Variants in DCBLD1 observed in about 807,000 individuals in gnomAD.
DCBLD1 encodes discoidin, CUB and LCCL domain-containing protein 1.
Under a neutral mutation model 71.5 loss-of-function variants are expected in DCBLD1, and 57 were observed. That is an observed-to-expected ratio of 0.80 (90% CI 0.64 to 0.99). DCBLD1 has a LOEUF of 0.99. Among genes scored for constraint, DCBLD1 ranks in the 50% least tolerant of loss-of-function variants. The probability of loss-of-function intolerance (pLI) is 0.00; values close to 1 mark genes in which losing one functional copy is unlikely to be tolerated. For synonymous variants in DCBLD1, 380 were observed against 363.8 expected, an observed-to-expected ratio of 1.04 and a Z score of -0.51; for missense variants, 891 against 923.5, an observed-to-expected ratio of 0.96 and a Z score of 0.46.
intron 14 of DCBLD1, among the ~76,000 whole-genome samples, chr6:117,566,163 T>C (rs2114602260): frequency 6.6e-6 from 1 of 152,286 alleles, no homozygotes; most frequent in Non-Finnish European, 1.5e-5. Flanking sequence ...ACCAGCAGTT[T>C]TACCCCAATT....
At chr6:117,521,190 C>T (rs1323823365) in intron 3 of DCBLD1, among the ~76,000 whole-genome samples, 1 of 152,152 alleles carries the variant, frequency 6.6e-6, no homozygotes, top group African/African-American at 2.4e-5. Context: ...TTATTTTCTT[C>T]CTGCCAGGGG....
At chr6:117,546,946 T>C (rs1178872316) in intron 14 of DCBLD1, among the ~76,000 whole-genome samples, 7 of 152,224 alleles carry the variant, frequency 4.6e-5, no homozygotes, top group Non-Finnish European at 5.9e-5. Context: ...GCTTCTCGAC[T>C]GCACATCCCA....
At chr6:117,545,887 C>T (rs1779250954) in intron 14 of DCBLD1, among the ~76,000 whole-genome samples, 1 of 152,114 alleles carries the variant, frequency 6.6e-6, no homozygotes, top group Admixed American at 6.5e-5. Flanking sequence ...GTTACCAAAG[C>T]TTTGATTAAG....
intron 4 of DCBLD1, among the ~76,000 whole-genome samples, chr6:117,523,148 A>G (rs918803549): frequency 1.3e-5 from 2 of 152,222 alleles, no homozygotes; most frequent in African/African-American, 4.8e-5. Flanking sequence ...TCTGGACATC[A>G]AATGGTCATT....
intron 4 of DCBLD1, among the ~76,000 whole-genome samples, chr6:117,523,656 C>G (rs1437275090): frequency 6.6e-6 from 1 of 151,964 alleles, no homozygotes; most frequent in African/African-American, 2.4e-5. Context: ...TTCTTAATTC[C>G]GCGAGTACTG....
At position 117,549,614 on chromosome 6, in the gene DCBLD1, A is replaced by G. The variant is rs1055466025; in HGVS notation, c.*1175A>G. ...GACCAAAAATTTTTTTCCCTGAAGA[A>G]TGTATTATAACCCTATTTGTGTGGT... On this transcript the variant is annotated 3_prime_UTR_variant, in exon 15 of 15. Transcript: ENST00000338728. The G allele has an allele frequency of 1.0e-6, 1 of 985,370 alleles. No homozygotes were observed. The highest frequency in any genetic ancestry group is 1.2e-6 in the Non-Finnish European group (1 of 829,926). 61.0% of individuals were successfully genotyped at this position (985,370 alleles called of 1,614,324 possible). A position where few individuals can be genotyped will look rare whatever the true frequency, so the allele number is the denominator to read the frequency against.
chr6:117,539,424 G>A, intron 9 of DCBLD1, 45 bp downstream of exon 9: 29 of 1,545,310 alleles, frequency 1.9e-5, no homozygotes, highest in Non-Finnish European at 2.2e-5. Flanking sequence ...AGGAGAACAG[G>A]CCTCTATATA....
intron 1 of DCBLD1, among the ~76,000 whole-genome samples, chr6:117,493,355 T>C (rs1042587082): frequency 1.3e-5 from 2 of 152,170 alleles, no homozygotes; most frequent in Non-Finnish European, 2.9e-5. Context: ...CACCTTCTTT[T>C]ACAAAGCATC....
chr6:117,518,910 G>A (rs1248902017), intron 2 of DCBLD1, among the ~76,000 whole-genome samples: 2 of 152,122 alleles, frequency 1.3e-5, no homozygotes, highest in African/African-American at 4.8e-5. Context: ...TATTCGTATT[G>A]ACTTGGAGCA....
intron 11 of DCBLD1, among the ~76,000 whole-genome samples, chr6:117,541,612 G>C (rs1779099634): frequency 6.6e-6 from 1 of 152,008 alleles, no homozygotes; most frequent in Non-Finnish European, 1.5e-5. Flanking sequence ...AACATTAAAA[G>C]TACATTTTTT....
chr6:117,511,016 A>G (rs1778002417), intron 2 of DCBLD1, among the ~76,000 whole-genome samples: 1 of 152,072 alleles, frequency 6.6e-6, no homozygotes, highest in Non-Finnish European at 1.5e-5. Context: ...GCCAACTAAC[A>G]TGCTTGTAAG....
chr6:117,495,017 C>T (rs1777424381), intron 1 of DCBLD1, among the ~76,000 whole-genome samples: 1 of 152,172 alleles, frequency 6.6e-6, no homozygotes, highest in African/African-American at 2.4e-5. Flanking sequence ...TGGAATTCTG[C>T]AAGCTTACTG....
chr6:117,563,216 T>C (rs752857609), intron 14 of DCBLD1: 21 of 1,590,082 alleles, frequency 1.3e-5, no homozygotes, highest in Middle Eastern at 1.7e-4. Flanking sequence ...AAATTCAGAA[T>C]AGTCTGATTA....
At chr6:117,489,158 G>A (rs181697295) in intron 1 of DCBLD1, among the ~76,000 whole-genome samples, 5 of 152,270 alleles carry the variant, frequency 3.3e-5, no homozygotes, top group African/African-American at 4.8e-5. Context: ...TAGCATAAGC[G>A]TCTGCTCAGC....
intron 1 of DCBLD1, among the ~76,000 whole-genome samples, chr6:117,496,453 G>A (rs748237643): frequency 6.6e-6 from 1 of 152,166 alleles, no homozygotes; most frequent in Non-Finnish European, 1.5e-5. Flanking sequence ...AGAGAGTAAG[G>A]CTGAGAATGG....
intron 5 of DCBLD1, among the ~76,000 whole-genome samples, chr6:117,530,443 G>C (rs1337623865): frequency 6.6e-6 from 1 of 152,206 alleles, no homozygotes; most frequent in African/African-American, 2.4e-5. Context: ...TGCCTTTGCT[G>C]ATCTGACAAG....
intron 6 of DCBLD1, 150 bp downstream of exon 6, chr6:117,532,543 T>C (rs965697145): frequency 3.0e-6 from 3 of 1,013,434 alleles, no homozygotes; most frequent in African/African-American, 1.6e-5. Context: ...GAGCAGCATT[T>C]CTGGTCTCTG....
intron 1 of DCBLD1, among the ~76,000 whole-genome samples, chr6:117,489,056 G>T (rs2114362353): frequency 6.6e-6 from 1 of 152,258 alleles, no homozygotes; most frequent in Non-Finnish European, 1.5e-5. Flanking sequence ...GTATTAGTCT[G>T]TTCTGTGTTG....
At chr6:117,563,359 G>T in intron 14 of DCBLD1, 1 of 1,613,468 alleles carries the variant, frequency 6.2e-7, no homozygotes, top group Non-Finnish European at 8.5e-7. Context: ...TTTCATGTGT[G>T]TCAGTTACTG....
Sources: gnomAD v4.1 joint callset for allele counts (sites outside exome capture counted in the v4.1 genomes callset) on GRCh38, gnomAD v4.1.1 for gene constraint, MANE v1.5 for transcripts, NCBI Gene and HGNC (gene_info 2026-07-23, HGNC 2026-07-21) for gene names.